Variants in EPC2 observed in about 807,000 individuals in gnomAD.
EPC2 encodes the protein enhancer of polycomb 2, also known as enhancer of polycomb homolog 2.
EPC2 carries 14 observed loss-of-function variants against 92.1 expected under a neutral mutation model. The ratio of observed to expected loss-of-function variants is 0.15; its 90% CI spans 0.10 to 0.24. The LOEUF (loss-of-function observed/expected upper bound fraction) is 0.24. Ranked by LOEUF, EPC2 falls within the 10% of genes least tolerant of loss-of-function variation. EPC2 has a pLI of 1.00. For synonymous variants in EPC2, 340 were observed against 334.7 expected (o/e 1.02, Z -0.17); for missense variants, 755 against 971.5 (o/e 0.78, Z 2.96).
chr2:148,781,752 C>T lies in EPC2; in HGVS notation c.1829C>T (p.Ser610Phe). 6.2e-7 allele frequency: 1 copy of T among 1,613,966 alleles called. No homozygotes were observed. The highest frequency in any genetic ancestry group is 1.1e-5 in the South Asian group (1 of 91,078). The stretch of plus-strand genomic sequence containing the variant: ...CAGCAGAAACAGCAATCTCAGCATT[C>T]CTCGCAACAGACACATCCAAAAGCA... ...QLQQKQQSQH[S>F]SQQTHPKAQG... Residue 610 changes from serine (S) to phenylalanine (F), a missense_variant, in exon 11 of 14, where the codon TCC (serine) becomes TTC (phenylalanine). Ser to Phe is a radical substitution (Grantham distance 155). Around this residue, in one of 4 missense-constraint regions of EPC2, gnomAD observed 207 missense variants for 260.5 expected, o/e 0.79. Coordinates refer to ENST00000258484, the MANE Select transcript of EPC2 (RefSeq NM_015630.4).
chr2:148,744,648 T>C (rs1300884830), intron 3 of EPC2, among the ~76,000 whole-genome samples: 1 of 152,100 alleles, frequency 6.6e-6, no homozygotes, highest in Non-Finnish European at 1.5e-5. Context: ...GTGCTGCAAT[T>C]GGTGATTTTT....
chr2:148,667,369 T>C (rs1054893987), intron 1 of EPC2, among the ~76,000 whole-genome samples: 1 of 152,234 alleles, frequency 6.6e-6, no homozygotes, highest in African/African-American at 2.4e-5. Context: ...GAGATTGAAA[T>C]GGGATCTTTA....
chr2:148,781,323 T>C (rs147558342), intron 10 of EPC2, among the ~76,000 whole-genome samples: 1 of 152,288 alleles, frequency 6.6e-6, no homozygotes, highest in East Asian at 1.9e-4. Flanking sequence ...CATTACATGC[T>C]CTCCATAATA....
At chr2:148,729,502 T>C (rs1682575848) in intron 2 of EPC2, among the ~76,000 whole-genome samples, 1 of 152,192 alleles carries the variant, frequency 6.6e-6, no homozygotes, top group Non-Finnish European at 1.5e-5. Context: ...CTTGAATTTC[T>C]CTCAGGATTG....
intron 2 of EPC2, among the ~76,000 whole-genome samples, chr2:148,731,685 A>G (rs1682634080): frequency 6.6e-6 from 1 of 152,216 alleles, no homozygotes; most frequent in South Asian, 2.1e-4. Flanking sequence ...TACAGGCATG[A>G]GCCACTGCCC....
chr2:148,663,193 T>TTTTATTATTA (rs1559140910), intron 1 of EPC2, among the ~76,000 whole-genome samples: 1 of 98,636 alleles, frequency 1.0e-5, no homozygotes, highest in Non-Finnish European at 2.2e-5. Context: ...ACTGTGTTTT[T>TTTTATTATTA]GTATTATTAT....
At chr2:148,651,725 C>T (rs1167890339) in intron 1 of EPC2, among the ~76,000 whole-genome samples, 2 of 152,152 alleles carry the variant, frequency 1.3e-5, no homozygotes, top group African/African-American at 4.8e-5. Flanking sequence ...TCACTACTAT[C>T]TCAGCTAACA....
At position 148,787,132 on chromosome 2, in the gene EPC2, A is replaced by G. The variant is rs1683883802; in HGVS notation, c.*755A>G. 1 of 152,696 alleles carries G rather than the reference A, an allele frequency of 6.5e-6. No homozygotes were observed. The highest frequency in any genetic ancestry group is 1.5e-5 in the Non-Finnish European group (1 of 68,050). 9.5% of individuals were successfully genotyped at this position (152,696 alleles called of 1,614,324 possible). On this transcript the variant is annotated 3_prime_UTR_variant, in exon 14 of 14. Coordinates refer to ENST00000258484, the MANE Select transcript of EPC2 (RefSeq NM_015630.4). ...TCTAGCACATTTAAACTGTGCAAAT[A>G]TGAAAATTTTTCGAGGATTACATTT... is the stretch of plus-strand genomic sequence containing the variant.
chr2:148,721,110 CT>C (rs965039029), intron 2 of EPC2, among the ~76,000 whole-genome samples: 4 of 152,052 alleles, frequency 2.6e-5, no homozygotes, highest in African/African-American at 7.2e-5. Flanking sequence ...TTATTTTACC[CT>C]TTCTCCCCAG....
intron 10 of EPC2, among the ~76,000 whole-genome samples, chr2:148,771,827 C>T (rs888523405): frequency 4.0e-5 from 6 of 149,572 alleles, no homozygotes; most frequent in Admixed American, 6.7e-5. Flanking sequence ...TAGATGGAGT[C>T]TCGCTGTGTC....
At chr2:148,782,269 G>T (rs539876855) in intron 11 of EPC2, among the ~76,000 whole-genome samples, 1 of 152,248 alleles carries the variant, frequency 6.6e-6, no homozygotes, top group East Asian at 1.9e-4. Context: ...AGGCACGGTG[G>T]CTCATGCCTG....
intron 3 of EPC2, among the ~76,000 whole-genome samples, chr2:148,748,994 C>G (rs1683038479): frequency 6.6e-6 from 1 of 152,164 alleles, no homozygotes; most frequent in Admixed American, 6.5e-5. Flanking sequence ...TTGGCTTCCA[C>G]TGTCTATAAA....
intron 2 of EPC2, among the ~76,000 whole-genome samples, chr2:148,729,340 C>T (rs10197267): frequency 0.64 from 96,435 of 151,848 alleles, 33,189 homozygotes; most frequent in Non-Finnish European, 0.79. Flanking sequence ...CCTTTTATTT[C>T]GGAAAATTTT....
chr2:148,680,469 T>C (rs2105366098), intron 1 of EPC2, among the ~76,000 whole-genome samples: 1 of 152,350 alleles, frequency 6.6e-6, no homozygotes, highest in East Asian at 1.9e-4. Context: ...AATTCATGCA[T>C]TGTAGCATAT....
intron 8 of EPC2, among the ~76,000 whole-genome samples, chr2:148,770,078 C>T (rs1471908990): frequency 5.3e-5 from 8 of 152,156 alleles, no homozygotes; most frequent in African/African-American, 1.7e-4. Flanking sequence ...CAGGGTCTTG[C>T]TCTGTCACCA....
intron 2 of EPC2, among the ~76,000 whole-genome samples, chr2:148,719,607 T>C (rs904837763): frequency 3.9e-5 from 6 of 152,172 alleles, no homozygotes; most frequent in Non-Finnish European, 4.4e-5. Flanking sequence ...CCCCTTCCTC[T>C]GGAAGCACCA....
chr2:148,645,192 A>C (rs764184388), intron 1 of EPC2, 22 bp downstream of exon 1: 73 of 1,464,496 alleles, frequency 5.0e-5, no homozygotes, highest in African/African-American at 5.8e-5. Context: ...AGTGTTTATT[A>C]CCCCCCCTTC....
At chr2:148,688,288 T>A (rs1355250679) in intron 1 of EPC2, among the ~76,000 whole-genome samples, 1 of 152,144 alleles carries the variant, frequency 6.6e-6, no homozygotes, top group African/African-American at 2.4e-5. Context: ...GAAACCATCA[T>A]TCTCAGCAAA....
In EPC2 at chr2:148,778,911, T is replaced by C. The variant is rs576052447; in HGVS notation, c.1721-2733T>C. On this transcript the variant is annotated intron_variant, in intron 10 of 13. Coordinates refer to ENST00000258484, the MANE Select transcript of EPC2 (RefSeq NM_015630.4). ...TGTAATTTTTTAAAGCATATACATATAGAATTAAATTTGTGTCAGTGATTC... is the reference window on the plus strand; with the variant it reads ...TGTAATTTTTTAAAGCATATACATACAGAATTAAATTTGTGTCAGTGATTC... 8.3e-4 allele frequency among the ~76,000 whole-genome samples: 126 copies of C among 152,332 alleles called. 1 individual carries two copies. Among genetic ancestry groups the C allele is most frequent in the African/African-American group, 2.9e-3 (122 of 41,580 alleles).
Sources: gnomAD v4.1 joint callset for allele counts (sites outside exome capture counted in the v4.1 genomes callset) on GRCh38, gnomAD v4.1.1 for gene constraint, gnomAD v4.1.1 regional missense constraint, MANE v1.5 for transcripts, NCBI Gene and HGNC (gene_info 2026-07-23, HGNC 2026-07-21) for gene names.